Variants in PLEK2 observed in about 807,000 individuals in gnomAD.
PLEK2 encodes pleckstrin 2, also known as pleckstrin-2.
A neutral mutation model predicts 43.8 loss-of-function variants in PLEK2; 29 were observed. The observed-to-expected ratio is 0.66, with a 90% CI of 0.49 to 0.90. The LOEUF (loss-of-function observed/expected upper bound fraction) is 0.90. PLEK2 is among the 40% of genes least tolerant of loss of function. The probability of loss-of-function intolerance (pLI) is 0.00; values close to 1 mark genes in which losing one functional copy is unlikely to be tolerated. For synonymous variants in PLEK2, 162 were observed against 173.2 expected (o/e 0.94, Z 0.51); for missense variants, 398 against 448.1 (o/e 0.89, Z 1.01).
intron 6 of PLEK2, among the ~76,000 whole-genome samples, chr14:67,390,985 CAA>C (rs2085962177): frequency 6.6e-6 from 1 of 152,040 alleles, no homozygotes; most frequent in Admixed American, 6.6e-5. Flanking sequence ...TCAGCAGAGC[CAA>C]AGAGAGTCCA....
intron 7 of PLEK2, among the ~76,000 whole-genome samples, 154 bp from the exon 8 acceptor site, chr14:67,388,456 A>C (rs1453514833): frequency 6.6e-6 from 1 of 152,244 alleles, no homozygotes; most frequent in Non-Finnish European, 1.5e-5. Flanking sequence ...CCAAAGCTGC[A>C]TGCATCAGTA....
intron 2 of PLEK2, among the ~76,000 whole-genome samples, chr14:67,396,499 C>T (rs538777513): frequency 6.9e-6 from 1 of 145,756 alleles, no homozygotes; most frequent in South Asian, 2.2e-4. Context: ...TTCAATGGCT[C>T]TCCATTACCT....
rs2086119964 is a variant in PLEK2, at chr14:67,412,111, C to A, written c.-52G>T. 3 of 1,452,984 alleles carry A rather than the reference C, an allele frequency of 2.1e-6. No individual in the cohort carries two copies. In the South Asian group the frequency reaches 4.1e-5, roughly 20 times the overall value. 90.0% of individuals were successfully genotyped at this position (1,452,984 alleles called of 1,614,324 possible). A position where few individuals can be genotyped will look rare whatever the true frequency, so the allele number is the denominator to read the frequency against. On this transcript the variant is annotated 5_prime_UTR_variant, in exon 1 of 9. Transcript: ENST00000216446. ...CCAGGTGCGCCTTCCCCGCGCCTCG[C>A]GCTCCTCGGCACCCGCGCAGCCCGC...
intron 1 of PLEK2, among the ~76,000 whole-genome samples, chr14:67,399,402 G>T (rs111558942): frequency 4.3e-5 from 6 of 138,844 alleles, no homozygotes; most frequent in African/African-American, 1.8e-4. Context: ...GTTTAGGTGG[G>T]TCTCAGGTGG....
At chr14:67,411,986 G>A (rs1163652933) in intron 1 of PLEK2, 32 bp downstream of exon 1, 2 of 1,526,242 alleles carry the variant, frequency 1.3e-6, no homozygotes, top group Non-Finnish European at 1.8e-6. Flanking sequence ...GGCCCCACCC[G>A]GGCAATGTCC....
intron 1 of PLEK2, among the ~76,000 whole-genome samples, chr14:67,411,675 CG>C (rs763226430): frequency 6.6e-6 from 1 of 152,194 alleles, no homozygotes; most frequent in Non-Finnish European, 1.5e-5. Context: ...TTACAGAGCA[CG>C]CCTATATTAT....
At chr14:67,394,968 C>CA (rs1259063526) in intron 3 of PLEK2, among the ~76,000 whole-genome samples, 1 of 152,204 alleles carries the variant, frequency 6.6e-6, no homozygotes, top group Non-Finnish European at 1.5e-5. Flanking sequence ...AGAAGGCCCT[C>CA]ACCAGATGCA....
intron 2 of PLEK2, among the ~76,000 whole-genome samples, chr14:67,397,089 C>A (rs368381209): frequency 6.6e-6 from 1 of 152,118 alleles, no homozygotes; most frequent in Non-Finnish European, 1.5e-5. Flanking sequence ...CAGGCCACTG[C>A]GACCACGCTC....
chr14:67,407,053 G>A (rs2086083517), intron 1 of PLEK2, among the ~76,000 whole-genome samples: 1 of 152,154 alleles, frequency 6.6e-6, no homozygotes, highest in Non-Finnish European at 1.5e-5. Flanking sequence ...GCACCTCAGG[G>A]ATGGGCTTAT....
intron 1 of PLEK2, among the ~76,000 whole-genome samples, chr14:67,408,144 G>A (rs927121030): frequency 7.9e-5 from 12 of 151,902 alleles, no homozygotes; most frequent in African/African-American, 2.9e-4. Flanking sequence ...AAATTAACCG[G>A]GCGTGGTGGT....
At position 67,392,250 on chromosome 14, in the gene PLEK2, C is replaced by T. The variant is rs2085974363; in HGVS notation, c.771+76G>A. ...GCCCTCCAGCAGCCTCAGCCCTTCCCTTCTTCTGGGCTCACTGCTCCCTCC... is the reference window on the plus strand; with the variant it reads ...GCCCTCCAGCAGCCTCAGCCCTTCCTTTCTTCTGGGCTCACTGCTCCCTCC... On this transcript the variant is annotated intron_variant, in intron 6 of 8. Coordinates refer to ENST00000216446, the MANE Select transcript of PLEK2 (RefSeq NM_016445.3). 12 of 1,011,490 alleles carry T rather than the reference C, an allele frequency of 1.2e-5. No individual in the cohort carries two copies. In the East Asian group the frequency reaches 1.9e-4, roughly 16 times the overall value. The allele number at this position is 1,011,490 out of a possible 1,614,324, so 62.7% of individuals were successfully genotyped here.
intron 1 of PLEK2, among the ~76,000 whole-genome samples, chr14:67,407,751 C>A (rs1174635926): frequency 2.6e-5 from 4 of 152,140 alleles, no homozygotes; most frequent in Non-Finnish European, 5.9e-5. Flanking sequence ...AGACCCCTAA[C>A]TTTAAAGATA....
chr14:67,388,082 T>G (rs2085939669), intron 8 of PLEK2, 142 bp downstream of exon 8: 1 of 596,004 alleles, frequency 1.7e-6, no homozygotes, highest in East Asian at 2.8e-5. Context: ...ATTCTGAAAT[T>G]CACTTCAAAA....
intron 2 of PLEK2, among the ~76,000 whole-genome samples, chr14:67,396,072 G>A (rs2139857998): frequency 6.6e-6 from 1 of 152,238 alleles, no homozygotes; most frequent in East Asian, 1.9e-4. Flanking sequence ...TAAGCATCAA[G>A]TCTTTCACAC....
chr14:67,409,053 A>T (rs111735873), intron 1 of PLEK2, among the ~76,000 whole-genome samples: 3 of 146,058 alleles, frequency 2.1e-5, no homozygotes, highest in African/African-American at 7.5e-5. Flanking sequence ...TGTCGCTATA[A>T]AAAAAAAAAA....
intron 1 of PLEK2, among the ~76,000 whole-genome samples, chr14:67,411,149 A>AG (rs1054017356): frequency 2.6e-5 from 4 of 151,888 alleles, no homozygotes; most frequent in African/African-American, 9.7e-5. Flanking sequence ...AAAAAAAAAA[A>AG]AAAAAAAAAG....
At position 67,397,791 on chromosome 14, in the gene PLEK2, G is replaced by C; in HGVS notation, c.78C>G (p.Phe26Leu). The change falls in exon 2 of 9, where the codon TTC becomes TTG. Residue 26 changes from phenylalanine (F) to leucine (L), a missense_variant. Coordinates refer to ENST00000216446, the MANE Select transcript of PLEK2 (RefSeq NM_016445.3). ...HIVHNWKARWFILRQNTLVYY... is the reference protein window; with the variant it reads ...HIVHNWKARWLILRQNTLVYY... ...ACACCAGCGTGTTCTGCCGAAGGAT[G>C]AACCATCGCGCCTTCCAGTTGTGGA... 2 of 1,612,874 alleles carry C rather than the reference G, an allele frequency of 1.2e-6. No homozygotes were observed. The highest frequency in any genetic ancestry group is 1.7e-6 in the Non-Finnish European group (2 of 1,179,440).
intron 4 of PLEK2, 136 bp from the exon 5 acceptor site, chr14:67,392,985 G>T: frequency 1.2e-6 from 1 of 859,264 alleles, no homozygotes; most frequent in Non-Finnish European, 1.9e-6. Flanking sequence ...GGCCACACCT[G>T]CTGCATAGAG....
intron 3 of PLEK2, among the ~76,000 whole-genome samples, chr14:67,394,155 T>A (rs2085989788): frequency 6.6e-6 from 1 of 152,202 alleles, no homozygotes; most frequent in Non-Finnish European, 1.5e-5. Flanking sequence ...TTTCTTCTCC[T>A]TATCTAAATG....
Sources: gnomAD v4.1 joint callset for allele counts (sites outside exome capture counted in the v4.1 genomes callset) on GRCh38, gnomAD v4.1.1 for gene constraint, MANE v1.5 for transcripts, NCBI Gene and HGNC (gene_info 2026-07-23, HGNC 2026-07-21) for gene names.